ZNF608: variants seen among roughly 807,000 people sequenced by gnomAD.
The protein encoded by ZNF608 is zinc finger protein 608.
ZNF608 carries 12 observed loss-of-function variants against 109.0 expected under a neutral mutation model. That is an observed-to-expected ratio of 0.11 (90% CI 0.07 to 0.18). ZNF608 has a LOEUF of 0.18. ZNF608 is among the 10% of genes least tolerant of loss of function. The pLI is 1.00. For missense variants in ZNF608, 1,707 were observed against 1,879.3 expected (o/e 0.91, Z 1.70); for synonymous variants, 732 against 717.4 (o/e 1.02, Z -0.33).
At chr5:124,681,370 T>G (rs551943391) in intron 3 of ZNF608, among the ~76,000 whole-genome samples, 1 of 152,134 alleles carries the variant, frequency 6.6e-6, no homozygotes, top group South Asian at 2.1e-4. Context: ...GGCAGGAGAA[T>G]CACTTGAACT....
At chr5:124,734,701 A>C (rs147389382) in intron 2 of ZNF608, 1 of 152,288 alleles carries the variant, frequency 6.6e-6, no homozygotes, top group African/African-American at 2.4e-5. Context: ...CCAATTAATC[A>C]CTCAATTCGT....
upstream of ZNF608, among the ~76,000 whole-genome samples, chr5:124,748,184 AG>A (rs1172802149): frequency 1.3e-5 from 2 of 152,068 alleles, no homozygotes; most frequent in East Asian, 1.9e-4. Flanking sequence ...TCGCTTTGGG[AG>A]GGGGGTCTGC....
rs189864810 is a variant in ZNF608 at position 124,734,342 on chromosome 5, C to A, written c.906+9742G>T. ...AATGGTTGTCTTAACTTGACATTCT[C>A]AGCAACCAAGATTTAAACAACTCTA... On this transcript the variant is annotated intron_variant, in intron 2 of 9. Transcript: ENST00000513986. 2.0e-5 allele frequency among the ~76,000 whole-genome samples: 3 copies of A among 152,286 alleles called. No individual in the cohort carries two copies. The East Asian group carries it at 5.8e-4, about 29-fold the overall frequency.
At chr5:124,695,910 G>A (rs1462944460) in intron 3 of ZNF608, among the ~76,000 whole-genome samples, 8 of 151,690 alleles carry the variant, frequency 5.3e-5, no homozygotes, top group African/African-American at 7.3e-5. Flanking sequence ...TCGGCCGGGC[G>A]GGGTGGCTCA....
intron 2 of ZNF608, among the ~76,000 whole-genome samples, chr5:124,701,928 T>C (rs1753069707): frequency 6.6e-6 from 1 of 151,832 alleles, no homozygotes; most frequent in Admixed American, 6.6e-5. Flanking sequence ...ATAACTTGAG[T>C]TTTTCCAATG....
Position 124,647,426 on chromosome 5 carries a change from T to A in ZNF608, c.2958A>T (p.Ser986=). Residue 986 remains serine (S), a synonymous_variant, in exon 5 of 10, where the codon TCA becomes TCT. Transcript: ENST00000513986. ...VKGHSSTTAQ[S]SQLKESHSPY... Reference sequence around the variant, plus strand: ...GAGAATGGGACTCTTTCAGTTGAGATGATTGTGCTGTAGTTGAAGAATGCC... The same window carrying A: ...GAGAATGGGACTCTTTCAGTTGAGAAGATTGTGCTGTAGTTGAAGAATGCC... 1 of 1,614,218 alleles carries A rather than the reference T, an allele frequency of 6.2e-7. No individual in the cohort carries two copies. Among genetic ancestry groups the A allele is most frequent in the Non-Finnish European group, 8.5e-7 (1 of 1,180,038 alleles).
chr5:124,706,811 C>T (rs1474928351), intron 2 of ZNF608, among the ~76,000 whole-genome samples: 2 of 152,160 alleles, frequency 1.3e-5, no homozygotes, highest in East Asian at 1.9e-4. Context: ...AGAACAGACG[C>T]GCGGCAGTCT....
At chr5:124,667,754 T>G (rs952672985) in intron 3 of ZNF608, among the ~76,000 whole-genome samples, 1 of 152,224 alleles carries the variant, frequency 6.6e-6, no homozygotes, top group Non-Finnish European at 1.5e-5. Context: ...CAAGAGGTAC[T>G]ATATTATGGT....
Position 124,745,166 on chromosome 5 carries a change from C to T in ZNF608, c.-177G>A, listed in dbSNP as rs1749592203. 7.1e-7 allele frequency: 1 copy of T among 1,404,650 alleles called. No homozygotes were observed. The highest frequency in any genetic ancestry group is 9.2e-7 in the Non-Finnish European group (1 of 1,089,264). 87.0% of individuals were successfully genotyped at this position (1,404,650 alleles called of 1,614,324 possible). ...ATTTTACACCCTCAGTCCAGGTCCACCTTTTCCTGTGAAGGGGGGGGGAAA... is the reference window on the plus strand; with the variant it reads ...ATTTTACACCCTCAGTCCAGGTCCATCTTTTCCTGTGAAGGGGGGGGGAAA... On this transcript the variant is annotated 5_prime_UTR_variant, in exon 2 of 10. In the 5' UTR this introduces an upstream ATG that the reference lacks. Coordinates refer to ENST00000513986, the MANE Select transcript of ZNF608 (RefSeq NM_020747.3).
Position 124,746,171 on chromosome 5 carries a change from T to C in ZNF608, c.-184+24A>G, listed in dbSNP as rs760792859. On this transcript the variant is annotated intron_variant, in intron 1 of 9. Transcript: ENST00000513986. ...AAATAAATATACATACACACACACA[T>C]ACACACACACAGACATTGCTTACCT... The C allele has an allele frequency of 1.7e-5, 17 of 984,900 alleles. No homozygotes were observed. The South Asian group carries it at 4.7e-4, about 27-fold the overall frequency. 61.0% of individuals were successfully genotyped at this position (984,900 alleles called of 1,614,324 possible). A position where few individuals can be genotyped will look rare whatever the true frequency, so the allele number is the denominator to read the frequency against.
intron 5 of ZNF608, among the ~76,000 whole-genome samples, chr5:124,646,414 C>A (rs559961421): frequency 6.6e-5 from 10 of 152,080 alleles, no homozygotes; most frequent in Admixed American, 1.3e-4. Context: ...AGTCACAGAG[C>A]AAGTTAGTGG....
In ZNF608 at chr5:124,648,523, G is replaced by T; in HGVS notation, c.1861C>A (p.Gln621Lys). The T allele has an allele frequency of 1.2e-6, 2 of 1,614,202 alleles. No homozygotes were observed. The highest frequency in any genetic ancestry group is 2.2e-5 in the South Asian group (2 of 91,088). ...EPSTSVSAYD[Q>K]LKAPASPGAG... is the part of the protein sequence containing the mutation. The stretch of plus-strand genomic sequence containing the variant: ...CCAGGGGATGCCGGTGCCTTCAACT[G>T]GTCATAAGCAGATACACTTGTGCTT... Residue 621 changes from glutamine to lysine, a missense_variant, in exon 5 of 10, where the codon CAG (glutamine) becomes AAG (lysine). Coordinates refer to ENST00000513986, the MANE Select transcript of ZNF608 (RefSeq NM_020747.3).
chr5:124,735,099 G>A (rs1749082162), intron 2 of ZNF608: 1 of 152,182 alleles, frequency 6.6e-6, no homozygotes, highest in Non-Finnish European at 1.5e-5. Context: ...TCCTCTTAAA[G>A]TAAATCCAAG....
chr5:124,645,500 G>C (rs1408310889), intron 5 of ZNF608, among the ~76,000 whole-genome samples: 1 of 152,094 alleles, frequency 6.6e-6, no homozygotes, highest in Non-Finnish European at 1.5e-5. Flanking sequence ...AAATGTGTGT[G>C]TGTGGGTGGC....
intron 3 of ZNF608, among the ~76,000 whole-genome samples, chr5:124,686,220 C>A (rs1752404693): frequency 6.6e-6 from 1 of 152,188 alleles, no homozygotes; most frequent in African/African-American, 2.4e-5. Context: ...TTCTTTAAAG[C>A]TGACCCTCCA....
chr5:124,651,201 T>C (rs1490478770), intron 3 of ZNF608, among the ~76,000 whole-genome samples: 1 of 152,102 alleles, frequency 6.6e-6, no homozygotes, highest in Admixed American at 6.5e-5. Context: ...TTAAAACCAT[T>C]GTGTATAAAA....
rs1411444379 is a variant in ZNF608 at position 124,682,067 on chromosome 5, G to GCTTTT, written c.1162+18942_1162+18946dup. Among the ~76,000 whole-genome samples, 9 of 152,138 alleles carry GCTTTT rather than the reference G, an allele frequency of 5.9e-5. No homozygotes were observed. In the East Asian group the frequency reaches 9.7e-4, roughly 16 times the overall value. On this transcript the variant is annotated intron_variant, in intron 3 of 9. Coordinates refer to ENST00000513986, the MANE Select transcript of ZNF608 (RefSeq NM_020747.3). Reference sequence around the variant, plus strand: ...TTCAAAATGTTGACTTCCCATGAATGCTTTTCTTTTCTTTTCTTTTTTGAG... The same window carrying GCTTTT: ...TTCAAAATGTTGACTTCCCATGAATGCTTTTCTTTTCTTTTCTTTTCTTTTTTGAG...
Position 124,647,149 on chromosome 5 carries a change from A to G in ZNF608, c.3235T>C (p.Tyr1079His), listed in dbSNP as rs868794461. 6.2e-7 allele frequency: 1 copy of G among 1,614,086 alleles called. No homozygotes were observed. The highest frequency in any genetic ancestry group is 1.3e-5 in the African/African-American group (1 of 74,932). Residue 1079 changes from tyrosine to histidine, a missense_variant, in exon 5 of 10, where the codon TAT becomes CAT. By Grantham distance (83) the Tyr-to-His change is moderately conservative. This residue lies in a region of ZNF608 where 1,073 missense variants were observed against 1,133.5 expected (regional missense o/e 0.95). Transcript: ENST00000513986. ...AGCCCATATGCATACTGGCCATAAT[A>G]AAGTGACTGAGCCAGGGCAGGATGT... The part of the protein sequence containing the change: ...QRHPALAQSL[Y>H]YGQYAYGLYM...
In ZNF608 at chr5:124,643,692, A is replaced by G; in HGVS notation, c.4124-9T>C. On this transcript the variant is annotated splice_polypyrimidine_tract_variant and intron_variant, in intron 6 of 9. Transcript: ENST00000513986. ...TGGAGAGAGATATGCCCCTGCAGAT[A>G]AACAACAAATGCCACATCAAGTTAC... 1 of 1,613,680 alleles carries G rather than the reference A, an allele frequency of 6.2e-7. No individual in the cohort carries two copies. The highest frequency in any genetic ancestry group is 1.3e-5 in the African/African-American group (1 of 75,042).
Sources: gnomAD v4.1 joint callset for allele counts (sites outside exome capture counted in the v4.1 genomes callset) on GRCh38, gnomAD v4.1.1 for gene constraint, gnomAD v4.1.1 regional missense constraint, MANE v1.5 for transcripts, NCBI Gene and HGNC (gene_info 2026-07-23, HGNC 2026-07-21) for gene names.